Variants in TLE3 observed in about 807,000 individuals in gnomAD.
TLE3 encodes the protein TLE family member 3, transcriptional corepressor.
A neutral mutation model predicts 93.0 loss-of-function variants in TLE3; 14 were observed. The ratio of observed to expected loss-of-function variants is 0.15; its 90% CI spans 0.10 to 0.24. TLE3 has a LOEUF of 0.24. Among genes scored for constraint, TLE3 ranks in the 10% least tolerant of loss-of-function variants. The pLI, the probability that TLE3 is intolerant of heterozygous loss-of-function variation, is 1.00. For synonymous variants in TLE3, 451 were observed against 425.0 expected (o/e 1.06, Z -0.75); for missense variants, 693 against 1,046.6 (o/e 0.66, Z 4.66).
At chr15:70,052,859 GCTTT>G (rs1197531894) in intron 17 of TLE3, 3 of 304,402 alleles carry the variant, frequency 9.9e-6, no homozygotes, top group Admixed American at 9.1e-5. Context: ...TTTACTGAAT[GCTTT>G]CTGTGAGTCG....
chr15:70,062,917 AG>A (rs562726489), intron 8 of TLE3, among the ~76,000 whole-genome samples: 268 of 151,820 alleles, frequency 1.8e-3, no homozygotes, highest in Non-Finnish European at 2.8e-3. Flanking sequence ...TAAACAGCCC[AG>A]CTCTTGGGGG....
intron 13 of TLE3, among the ~76,000 whole-genome samples, chr15:70,057,044 C>T (rs768000895): frequency 7.2e-5 from 11 of 152,210 alleles, no homozygotes; most frequent in Non-Finnish European, 1.6e-4. Context: ...TGAGCCACTG[C>T]GCTCGACCCC....
In TLE3 at chr15:70,049,007, A is replaced by C. The variant is rs2055294405; in HGVS notation, c.*1090T>G. 6.6e-6 allele frequency: 1 copy of C among 152,074 alleles called. No individual in the cohort carries two copies. The highest frequency in any genetic ancestry group is 1.5e-5 in the Non-Finnish European group (1 of 67,990). The allele number at this position is 152,074 out of a possible 1,614,324, so 9.4% of individuals were successfully genotyped here. A position where few individuals can be genotyped will look rare whatever the true frequency, so the allele number is the denominator to read the frequency against. On this transcript the variant is annotated 3_prime_UTR_variant, in exon 20 of 20. Coordinates refer to ENST00000451782, the MANE Select transcript of TLE3 (RefSeq NM_001105192.3). ...CTAATTCTTTTTATTCAAATTAAAA[A>C]AAAAAAAAAAGCACCCACATCAGTT...
chr15:70,051,457 G>A lies in TLE3; in HGVS notation c.2136C>T (p.Phe712=), dbSNP rs200902935. ...GAAGGTTATCTTTCCCAGTGCTCACGAACCACTTGCCTGCAGGTGGGAGGC... is the reference window on the plus strand; with the variant it reads ...GAAGGTTATCTTTCCCAGTGCTCACAAACCACTTGCCTGCAGGTGGGAGGC... ...SLKFAYCGKW[F]VSTGKDNLLN... The change falls in exon 19 of 20, where the codon TTC becomes TTT. Residue 712 remains phenylalanine, a synonymous_variant. Coordinates refer to ENST00000451782, the MANE Select transcript of TLE3 (RefSeq NM_001105192.3). The A allele has an allele frequency of 3.4e-5, 55 of 1,607,826 alleles. No individual in the cohort carries two copies. In the African/African-American group the frequency reaches 5.9e-4, roughly 17 times the overall value.
intron 17 of TLE3, chr15:70,052,734 A>G (rs889271616): frequency 4.9e-6 from 2 of 407,540 alleles, no homozygotes; most frequent in Non-Finnish European, 8.5e-6. Context: ...TGTCTCTGAG[A>G]CTTTCATCTT....
In TLE3 at chr15:70,052,361, A is replaced by G. The variant is rs1307749431; in HGVS notation, c.2125+13T>C. On this transcript the variant is annotated intron_variant, in intron 18 of 19. Transcript: ENST00000451782. ...ACCCCACTCCATCAGGCCTGGGCCC[A>G]TCCAAGGCTCACCGCAGTAGGCGAA... The G allele has an allele frequency of 6.2e-7, 1 of 1,612,338 alleles. No individual in the cohort carries two copies. Among genetic ancestry groups the G allele is most frequent in the East Asian group, 2.2e-5 (1 of 44,890 alleles).
chr15:70,084,209 G>A (rs181118922), intron 4 of TLE3, among the ~76,000 whole-genome samples: 1 of 152,310 alleles, frequency 6.6e-6, no homozygotes, highest in Admixed American at 6.5e-5. Context: ...CCAGGTTAGA[G>A]CCAGACTCCT....
intron 8 of TLE3, 129 bp from the exon 9 acceptor site, chr15:70,060,778 C>A: frequency 6.7e-7 from 1 of 1,498,964 alleles, no homozygotes; most frequent in African/African-American, 1.4e-5. Context: ...CCTCTCTGCC[C>A]TGCAGATCGT....
Position 70,095,873 on chromosome 15 carries a change from G to A in TLE3, c.126-232C>T, listed in dbSNP as rs189748183. 97 of 629,998 alleles carry A rather than the reference G, an allele frequency of 1.5e-4. No homozygotes were observed. The African/African-American group carries it at 1.8e-3, about 12-fold the overall frequency. The allele number at this position is 629,998 out of a possible 1,614,324, so 39.0% of individuals were successfully genotyped here. A position where few individuals can be genotyped will look rare whatever the true frequency, so the allele number is the denominator to read the frequency against. On this transcript the variant is annotated intron_variant, in intron 2 of 19. Transcript: ENST00000451782. ...CAAAGGACTTATCACGGCAGCAGGG[G>A]AGTAGGACCCTGACGCTGGCTCCCG...
In TLE3 at chr15:70,050,163, C is replaced by T. The variant is rs369246585; in HGVS notation, c.2244G>A (p.Ala748=). The change falls in exon 20 of 20, where the codon GCG becomes GCA. Residue 748 remains alanine, a synonymous_variant. Coordinates refer to ENST00000451782, the MANE Select transcript of TLE3 (RefSeq NM_001105192.3). The part of the protein sequence containing the change: ...SSSVLSCDIS[A]DDKYIVTGSG... ...AGCCTGTTACAATGTATTTGTCATC[C>T]GCTGAAATGTCACAACTCAAGACAG... 301 of 1,614,070 alleles carry T rather than the reference C, an allele frequency of 1.9e-4. No homozygotes were observed. The highest frequency in any genetic ancestry group is 2.3e-4 in the Non-Finnish European group (276 of 1,179,966).
chr15:70,075,880 T>C (rs1047006764), intron 5 of TLE3, among the ~76,000 whole-genome samples: 3 of 152,074 alleles, frequency 2.0e-5, no homozygotes, highest in South Asian at 2.1e-4. Flanking sequence ...GAAACAATTC[T>C]ATGAGAAGAA....
chr15:70,049,538 A>AG lies in TLE3; in HGVS notation c.*558_*559insC. 1.4e-5 allele frequency: 2 copies of AG among 140,966 alleles called. No homozygotes were observed. Among genetic ancestry groups the AG allele is most frequent in the South Asian group, 2.3e-4 (1 of 4,306 alleles). The allele number at this position is 140,966 out of a possible 1,614,324, so 8.7% of individuals were successfully genotyped here. On this transcript the variant is annotated 3_prime_UTR_variant, in exon 20 of 20. Transcript: ENST00000451782. ...TTAAAAAAAAAAAAAAAAAAAAGCC[A>AG]CCACCACGAGTGGATTACAAATACA...
At chr15:70,051,292 C>A (rs1421161473) in intron 19 of TLE3, 99 bp downstream of exon 19, 2 of 1,235,048 alleles carry the variant, frequency 1.6e-6, no homozygotes, top group African/African-American at 3.0e-5. Context: ...TGGCTCCAGG[C>A]TCCTCCTGTT....
chr15:70,068,739 C>T (rs897229437), intron 6 of TLE3, among the ~76,000 whole-genome samples: 8 of 152,182 alleles, frequency 5.3e-5, no homozygotes, highest in African/African-American at 1.4e-4. Context: ...AATAGCTCCA[C>T]GCACCCTGAC....
chr15:70,061,275 C>A (rs904523102), intron 8 of TLE3, among the ~76,000 whole-genome samples: 2 of 152,186 alleles, frequency 1.3e-5, no homozygotes, highest in Middle Eastern at 3.4e-3. Context: ...ACAAAAATGC[C>A]ACGTCATGAA....
At chr15:70,089,175 C>G (rs763402905) in intron 4 of TLE3, among the ~76,000 whole-genome samples, 1 of 152,224 alleles carries the variant, frequency 6.6e-6, no homozygotes, top group Non-Finnish European at 1.5e-5. Flanking sequence ...CCCTACCCTC[C>G]CTTTCAGACT....
chr15:70,096,553 G>C, intron 1 of TLE3: 1 of 1,436,394 alleles, frequency 7.0e-7, no homozygotes, highest in Non-Finnish European at 9.4e-7. Flanking sequence ...GGGACCGCGT[G>C]AACAGCTCCC....
chr15:70,093,966 G>A (rs984530935), intron 4 of TLE3, among the ~76,000 whole-genome samples: 3 of 152,150 alleles, frequency 2.0e-5, no homozygotes, highest in African/African-American at 7.2e-5. Flanking sequence ...TCAAGACAGG[G>A]ATGAGAAAGC....
At chr15:70,055,408 GC>G (rs35868091) in intron 14 of TLE3, 110 bp from the exon 15 acceptor site, 3 of 1,457,840 alleles carry the variant, frequency 2.1e-6, no homozygotes, top group Non-Finnish European at 1.8e-6. Context: ...CCTGCCTCTA[GC>G]CCCCTCTGCT....
Sources: gnomAD v4.1 joint callset for allele counts (sites outside exome capture counted in the v4.1 genomes callset) on GRCh38, gnomAD v4.1.1 for gene constraint, MANE v1.5 for transcripts, NCBI Gene and HGNC (gene_info 2026-07-23, HGNC 2026-07-21) for gene names.